The following CCDC171 variants were observed in gnomAD, a reference collection of about 807,000 sequenced individuals.
CCDC171 encodes the protein coiled-coil domain containing 171, also known as coiled-coil domain-containing protein 171.
In CCDC171, 177 loss-of-function variants were observed where a neutral mutation model predicts 168.2. The observed-to-expected ratio is 1.05, with a 90% CI of 0.93 to 1.19. CCDC171 has a LOEUF of 1.19. CCDC171 is among the 50% of genes most tolerant of loss of function. The pLI is 0.00. For missense variants in CCDC171, 1,991 were observed against 1,539.0 expected (o/e 1.29, Z -4.91); for synonymous variants, 687 against 540.8 (o/e 1.27, Z -3.75).
intron 16 of CCDC171, among the ~76,000 whole-genome samples, chr9:15,740,986 A>T (rs1376115581): frequency 2.6e-5 from 4 of 152,030 alleles, no homozygotes; most frequent in Non-Finnish European, 4.4e-5. Context: ...CCTCATATAG[A>T]TTTTTTACAT....
At chr9:15,554,458 C>A (rs1380544447) in intron 1 of CCDC171, among the ~76,000 whole-genome samples, 1 of 152,150 alleles carries the variant, frequency 6.6e-6, no homozygotes, top group Non-Finnish European at 1.5e-5. Context: ...AGGGCATAGT[C>A]TTAGTTTGTA....
intron 3 of CCDC171, among the ~76,000 whole-genome samples, chr9:16,020,360 C>G (rs556304133): frequency 1.2e-4 from 18 of 152,306 alleles, no homozygotes; most frequent in African/African-American, 4.3e-4. Context: ...TGAAACACTT[C>G]TGGTTCCAGG....
intron 4 of CCDC171, chr9:15,588,566 C>T: frequency 3.0e-6 from 1 of 333,376 alleles, no homozygotes; most frequent in Non-Finnish European, 6.0e-6. Flanking sequence ...AATGGAGATG[C>T]CAAAACAGAC....
intron 18 of CCDC171, among the ~76,000 whole-genome samples, chr9:15,775,188 T>C (rs2057252217): frequency 6.6e-6 from 1 of 152,238 alleles, no homozygotes; most frequent in Non-Finnish European, 1.5e-5. Context: ...TTTAGTGCTC[T>C]TACTGTAATT....
At chr9:15,713,878 T>TA in intron 11 of CCDC171, among the ~76,000 whole-genome samples, 1 of 151,068 alleles carries the variant, frequency 6.6e-6, no homozygotes. Context: ...TAGATTGTGA[T>TA]AGAGAGCCAG....
At chr9:15,672,247 T>C (rs1453910324) in intron 9 of CCDC171, among the ~76,000 whole-genome samples, 1 of 152,236 alleles carries the variant, frequency 6.6e-6, no homozygotes, top group African/African-American at 2.4e-5. Context: ...ATTCTGGATA[T>C]TAGCCCTTTG....
At position 15,803,836 on chromosome 9, in the gene CCDC171, A is replaced by G. The variant is rs550260965; in HGVS notation, c.3267+19142A>G. On this transcript the variant is annotated intron_variant, in intron 21 of 25. Transcript: ENST00000380701. ...CGATAGTTTAATGGGAATAGCATCGAATCTATAAATCACTTTGGGCAGTAT... is the reference window on the plus strand; with the variant it reads ...CGATAGTTTAATGGGAATAGCATCGGATCTATAAATCACTTTGGGCAGTAT... Among the ~76,000 whole-genome samples, 298 of 152,250 alleles carry G rather than the reference A, an allele frequency of 2.0e-3. 1 individual carries two copies. The highest frequency in any genetic ancestry group is 3.2e-3 in the Non-Finnish European group (217 of 68,014).
intron 24 of CCDC171, among the ~76,000 whole-genome samples, chr9:15,908,691 A>G (rs759631045): frequency 3.9e-5 from 6 of 152,250 alleles, no homozygotes; most frequent in Non-Finnish European, 8.8e-5. Context: ...TAATTTATAA[A>G]GAAAAGAAAT....
At chr9:15,776,937 C>A (rs531446395) in intron 18 of CCDC171, among the ~76,000 whole-genome samples, 4 of 152,230 alleles carry the variant, frequency 2.6e-5, no homozygotes, top group African/African-American at 9.6e-5. Context: ...CAGATTAAGA[C>A]CTACCTAGCA....
At chr9:15,782,284 G>A (rs553483435) in intron 20 of CCDC171, among the ~76,000 whole-genome samples, 1 of 152,160 alleles carries the variant, frequency 6.6e-6, no homozygotes, top group South Asian at 2.1e-4. Context: ...ACTGACAGTC[G>A]TTCTTTAACA....
chr9:15,729,229 G>A (rs1470904594), intron 15 of CCDC171, among the ~76,000 whole-genome samples: 1 of 152,084 alleles, frequency 6.6e-6, no homozygotes, highest in East Asian at 1.9e-4. Context: ...TTTATTTCAT[G>A]TAAACTGTTT....
intron 3 of CCDC171, among the ~76,000 whole-genome samples, chr9:16,000,869 G>T (rs1202288580): frequency 1.3e-5 from 2 of 152,116 alleles, no homozygotes; most frequent in African/African-American, 4.8e-5. Context: ...AGACGAGAAT[G>T]CTGTCTTCAA....
In CCDC171 at chr9:15,571,742, A is replaced by C. The variant is rs760565885; in HGVS notation, c.160A>C (p.Thr54Pro). ...WAKKEKLEIT[T>P]KHNAELASYE... Reference sequence around the variant, plus strand: ...TAAAAAAGAAAAGTTAGAAATAACAACCAAACACAATGCAGAGGTACGATT... The same window carrying C: ...TAAAAAAGAAAAGTTAGAAATAACACCCAAACACAATGCAGAGGTACGATT... The change falls in exon 3 of 26, where the codon ACC (threonine) becomes CCC (proline). Residue 54 changes from threonine to proline, a missense_variant. By Grantham distance (38) the Thr-to-Pro change is conservative. Coordinates refer to ENST00000380701, the MANE Select transcript of CCDC171 (RefSeq NM_173550.4). 6.3e-7 allele frequency: 1 copy of C among 1,586,312 alleles called. No individual in the cohort carries two copies. Among genetic ancestry groups the C allele is most frequent in the South Asian group, 1.2e-5 (1 of 84,378 alleles).
At chr9:15,880,173 A>G (rs1159814607) in intron 24 of CCDC171, among the ~76,000 whole-genome samples, 1 of 152,060 alleles carries the variant, frequency 6.6e-6, no homozygotes, top group Non-Finnish European at 1.5e-5. Flanking sequence ...TTTCTTTTTC[A>G]TTGCTTTCTA....
chr9:15,623,475 G>GCGCGCACA lies in CCDC171; in HGVS notation c.822+63_822+64insGCGCACAC. The GCGCGCACA allele has an allele frequency of 2.6e-3, 824 of 315,334 alleles. 3 individuals are homozygous for GCGCGCACA. Among genetic ancestry groups the GCGCGCACA allele is most frequent in the Non-Finnish European group, 2.7e-3 (465 of 172,560 alleles). The allele number at this position is 315,334 out of a possible 1,614,324, so 19.5% of individuals were successfully genotyped here. ...CAAACTTTCACATATGCGCGCGCGCGCACACACACACACACACACACACAC... is the reference window on the plus strand; with the variant it reads ...CAAACTTTCACATATGCGCGCGCGCGCGCGCACACACACACACACACACACACACACAC... On this transcript the variant is annotated intron_variant, in intron 7 of 25. Transcript: ENST00000380701.
chr9:15,667,954 T>C (rs934618569), intron 9 of CCDC171, among the ~76,000 whole-genome samples: 2 of 152,204 alleles, frequency 1.3e-5, no homozygotes, highest in African/African-American at 4.8e-5. Context: ...ATGCATACAT[T>C]TAATACATTT....
chr9:15,993,162 G>C (rs1477874109), intron 3 of CCDC171, among the ~76,000 whole-genome samples: 1 of 151,758 alleles, frequency 6.6e-6, no homozygotes. Context: ...AAAGAACAAA[G>C]CTGGAGGCAT....
At chr9:15,917,736 G>A (rs3008685) in intron 24 of CCDC171, among the ~76,000 whole-genome samples, 109,236 of 151,412 alleles carry the variant, frequency 0.72, 41,312 homozygotes, top group East Asian at 0.85. Context: ...TTTAAAATGT[G>A]GAACTTTTAA....
intron 6 of CCDC171, among the ~76,000 whole-genome samples, chr9:15,600,612 G>A (rs1056037675): frequency 3.9e-5 from 6 of 152,178 alleles, no homozygotes; most frequent in Admixed American, 2.0e-4. Context: ...CAGTCTGTCT[G>A]TTCTCAGATC....
Sources: allele counts gnomAD v4.1 joint callset (sites outside exome capture counted in the v4.1 genomes callset), GRCh38; gene constraint gnomAD v4.1.1; transcripts MANE v1.5; gene names NCBI Gene and HGNC (gene_info 2026-07-23, HGNC 2026-07-21).